The following ERICH6 variants were observed in gnomAD, a reference collection of about 807,000 sequenced individuals.
The protein encoded by ERICH6 is glutamate rich 6, also known as glutamate-rich protein 6.
In ERICH6, 71 loss-of-function variants were observed where a neutral mutation model predicts 71.0. The observed-to-expected ratio is 1.00, with a 90% CI of 0.83 to 1.22. ERICH6 has a LOEUF of 1.22. Ranked by LOEUF, ERICH6 falls within the 50% of genes most tolerant of loss-of-function variation. The probability of loss-of-function intolerance (pLI) is 0.00; values close to 1 mark genes in which losing one functional copy is unlikely to be tolerated. For synonymous variants in ERICH6, 262 were observed against 278.4 expected (o/e 0.94, Z 0.59); for missense variants, 808 against 797.2 (o/e 1.01, Z -0.16).
At chr3:150,688,033 T>C (rs371885129) in intron 3 of ERICH6, among the ~76,000 whole-genome samples, 15 of 152,170 alleles carry the variant, frequency 9.9e-5, no homozygotes, top group African/African-American at 2.6e-4. Context: ...GGTGGGAGGA[T>C]TGCTGGAGCA....
intron 13 of ERICH6, among the ~76,000 whole-genome samples, chr3:150,660,548 A>G (rs1254125317): frequency 1.3e-5 from 2 of 152,164 alleles, no homozygotes; most frequent in Non-Finnish European, 2.9e-5. Flanking sequence ...TTTTCCGCAG[A>G]GAAGGTAGGA....
At chr3:150,679,303 T>G (rs958964422) in intron 9 of ERICH6, among the ~76,000 whole-genome samples, 38 of 152,260 alleles carry the variant, frequency 2.5e-4, no homozygotes, top group Non-Finnish European at 4.9e-4. Flanking sequence ...CTAGTGGCAA[T>G]TTCTGAGATT....
At chr3:150,677,084 T>A (rs1208576135) in intron 10 of ERICH6, among the ~76,000 whole-genome samples, 2 of 152,180 alleles carry the variant, frequency 1.3e-5, no homozygotes, top group African/African-American at 4.8e-5. Flanking sequence ...AGTGCTAGGA[T>A]TACAGGCGTG....
At chr3:150,702,236 A>AG (rs1559923349) in intron 1 of ERICH6, 58 bp from the exon 2 acceptor site, 1 of 678,186 alleles carries the variant, frequency 1.5e-6, no homozygotes, top group African/African-American at 2.2e-5. Flanking sequence ...GGTCAATTCT[A>AG]CCCCCCCCAG....
intron 1 of ERICH6, 91 bp from the exon 2 acceptor site, chr3:150,702,269 A>AATT (rs1576566367): frequency 2.0e-5 from 7 of 352,238 alleles, no homozygotes; most frequent in East Asian, 5.5e-5. Flanking sequence ...ATGTCTGGAG[A>AATT]CTTTTTTTTT....
At chr3:150,681,155 T>A (rs1298882054) in intron 7 of ERICH6, among the ~76,000 whole-genome samples, 1 of 152,224 alleles carries the variant, frequency 6.6e-6, no homozygotes, top group African/African-American at 2.4e-5. Flanking sequence ...TCACAATCAA[T>A]TTTAGAATCT....
At chr3:150,683,679 G>A (rs1481419427) in intron 6 of ERICH6, among the ~76,000 whole-genome samples, 8 of 152,098 alleles carry the variant, frequency 5.3e-5, no homozygotes, top group East Asian at 1.9e-4. Flanking sequence ...GCTTGAACCC[G>A]GGAGGCAGAG....
chr3:150,666,947 C>A lies in ERICH6; in HGVS notation c.1568G>T (p.Trp523Leu), dbSNP rs1559909623. 6.2e-7 allele frequency: 1 copy of A among 1,614,084 alleles called. No homozygotes were observed. Among genetic ancestry groups the A allele is most frequent in the Non-Finnish European group, 8.5e-7 (1 of 1,180,008 alleles). ...GGGTGAGGAAGTGATGGAATTTGAC[C>A]AATTCCAAGCCCTTATTCTGTTGCC... ...QAGNRIRAWN[W>L]SNSITSSPFV... The change falls in exon 13 of 14, where the codon TGG becomes TTG. Residue 523 changes from tryptophan to leucine, a missense_variant. Trp to Leu is a moderately conservative substitution (Grantham distance 61, BLOSUM62 -2). Around this residue, in one of 3 missense-constraint regions of ERICH6, gnomAD observed 736 missense variants for 712.2 expected, o/e 1.03. Coordinates refer to ENST00000295910, the MANE Select transcript of ERICH6 (RefSeq NM_152394.5).
chr3:150,693,652 T>C (rs1050533156), intron 3 of ERICH6, among the ~76,000 whole-genome samples: 7 of 152,172 alleles, frequency 4.6e-5, no homozygotes, highest in African/African-American at 1.7e-4. Flanking sequence ...TGTATACAAA[T>C]GATTAGGCCA....
chr3:150,680,494 C>T lies in ERICH6; in HGVS notation c.1085G>A (p.Arg362Lys). Residue 362 changes from arginine (R) to lysine (K), a missense_variant, in exon 9 of 14, where the codon AGG (arginine) becomes AAG (lysine). By Grantham distance (26) the Arg-to-Lys change is conservative. Around this residue, in one of 3 missense-constraint regions of ERICH6, gnomAD observed 736 missense variants for 712.2 expected, o/e 1.03. Coordinates refer to ENST00000295910, the MANE Select transcript of ERICH6 (RefSeq NM_152394.5). ...RMARHFAIIS[R>K]EQTHFSEDDS... ...ATCTTCAGAGAAATGAGTCTGTTCC[C>T]TTGATATTATTGCAAAATGTCTGGC... 1 of 1,614,180 alleles carries T rather than the reference C, an allele frequency of 6.2e-7. No individual in the cohort carries two copies. The highest frequency in any genetic ancestry group is 1.1e-5 in the South Asian group (1 of 91,082).
chr3:150,676,364 T>C (rs1434154431), intron 10 of ERICH6, among the ~76,000 whole-genome samples: 1 of 152,204 alleles, frequency 6.6e-6, no homozygotes, highest in African/African-American at 2.4e-5. Flanking sequence ...TTCATATATC[T>C]TCAAGCTGAT....
intron 1 of ERICH6, among the ~76,000 whole-genome samples, chr3:150,703,043 G>A (rs1038453302): frequency 6.6e-6 from 1 of 151,400 alleles, no homozygotes; most frequent in Non-Finnish European, 1.5e-5. Context: ...ACGCAAAAAT[G>A]TTATAAAAAT....
At chr3:150,687,592 T>C (rs530929211) in intron 3 of ERICH6, among the ~76,000 whole-genome samples, 3 of 152,344 alleles carry the variant, frequency 2.0e-5, no homozygotes, top group Non-Finnish European at 2.9e-5. Flanking sequence ...AGGATTATTC[T>C]ATCTAGATTC....
chr3:150,686,239 T>A, intron 4 of ERICH6, 59 bp downstream of exon 4: 1 of 1,563,240 alleles, frequency 6.4e-7, no homozygotes, highest in Non-Finnish European at 8.8e-7. Context: ...GTTAAGGTGA[T>A]TCCCTTCTGG....
chr3:150,670,715 C>A (rs555752139), intron 11 of ERICH6, among the ~76,000 whole-genome samples: 17 of 152,222 alleles, frequency 1.1e-4, no homozygotes, highest in African/African-American at 4.1e-4. Flanking sequence ...TATTTCTATA[C>A]ACTAACAGTA....
At chr3:150,699,508 C>G (rs1339840682) in intron 2 of ERICH6, among the ~76,000 whole-genome samples, 1 of 152,118 alleles carries the variant, frequency 6.6e-6, no homozygotes, top group Non-Finnish European at 1.5e-5. Context: ...AACAGAACTA[C>G]TAAAGCTAGG....
intron 11 of ERICH6, among the ~76,000 whole-genome samples, chr3:150,673,105 TTCC>T (rs765758996): frequency 2.0e-4 from 30 of 151,842 alleles, no homozygotes; most frequent in South Asian, 2.1e-4. Context: ...CCTTCCTTCC[TTCC>T]TTTTTCCTTC....
At chr3:150,667,112 T>C in intron 12 of ERICH6, 97 bp from the exon 13 acceptor site, 5 of 1,129,858 alleles carry the variant, frequency 4.4e-6, no homozygotes, top group Non-Finnish European at 6.4e-6. Context: ...AGTAACGGTT[T>C]ATGCCAGCGA....
At position 150,685,799 on chromosome 3, in the gene ERICH6, T is replaced by G; in HGVS notation, c.726A>C (p.Gly242=). The change falls in exon 6 of 14, where the codon GGA becomes GGC. Residue 242 remains glycine (G), a synonymous_variant. Coordinates refer to ENST00000295910, the MANE Select transcript of ERICH6 (RefSeq NM_152394.5). ...EPSLRTLPSI[G]PPSILAYKEE... Reference sequence around the variant, plus strand: ...CTTTGTATGCCAGAATGGATGGTGGTCCGATGCTGGGTAACGTTCTTAGAG... The same window carrying G: ...CTTTGTATGCCAGAATGGATGGTGGGCCGATGCTGGGTAACGTTCTTAGAG... 1 of 1,614,178 alleles carries G rather than the reference T, an allele frequency of 6.2e-7. No individual in the cohort carries two copies. The highest frequency in any genetic ancestry group is 8.5e-7 in the Non-Finnish European group (1 of 1,180,034).
Sources: allele counts gnomAD v4.1 joint callset (sites outside exome capture counted in the v4.1 genomes callset), GRCh38; gene constraint gnomAD v4.1.1; regional missense constraint gnomAD v4.1.1; transcripts MANE v1.5; gene names NCBI Gene and HGNC (gene_info 2026-07-23, HGNC 2026-07-21).